Variants in ABCA13 observed in about 807,000 individuals in gnomAD.
The protein encoded by ABCA13 is ATP binding cassette subfamily A member 13.
Under a neutral mutation model 478.7 loss-of-function variants are expected in ABCA13, and 476 were observed. The observed-to-expected ratio is 0.99, with a 90% CI of 0.92 to 1.07. The LOEUF (loss-of-function observed/expected upper bound fraction) is 1.07, where lower values mean the gene tolerates loss of function less well. Among genes scored for constraint, ABCA13 ranks in the 50% least tolerant of loss-of-function variants. The pLI, the probability that ABCA13 is intolerant of heterozygous loss-of-function variation, is 0.00. For synonymous variants in ABCA13, 2,252 were observed against 2,158.9 expected, an observed-to-expected ratio of 1.04 and a Z score of -1.20; for missense variants, 6,060 against 5,910.6, an observed-to-expected ratio of 1.03 and a Z score of -0.83.
At chr7:48,520,412 T>C in intron 53 of ABCA13, 118 bp downstream of exon 53, 4 of 1,132,950 alleles carry the variant, frequency 3.5e-6, no homozygotes, top group Non-Finnish European at 4.7e-6. Flanking sequence ...TTATACATAG[T>C]TCTAATGCGT....
intron 54 of ABCA13, among the ~76,000 whole-genome samples, chr7:48,527,843 T>C (rs1832982194): frequency 1.3e-5 from 2 of 152,146 alleles, no homozygotes; most frequent in Non-Finnish European, 2.9e-5. Flanking sequence ...GAAAATACTT[T>C]AAAATACACA....
rs183822383 is a variant in ABCA13, at chr7:48,457,313, T to C, written c.12815+2027T>C. ...AGTGTATTTCCACATCATATTTTGC[T>C]TCTAACTGACTTCTTCACCCTCCTC... On this transcript the variant is annotated intron_variant, in intron 43 of 61. Transcript: ENST00000435803. Among the ~76,000 whole-genome samples the C allele has an allele frequency of 6.8e-3, 1,027 of 150,976 alleles. 11 individuals carry two copies. Among genetic ancestry groups the C allele is most frequent in the African/African-American group, 0.024 (961 of 40,830 alleles).
chr7:48,502,285 C>T (rs1339434071), intron 48 of ABCA13, among the ~76,000 whole-genome samples: 2 of 152,036 alleles, frequency 1.3e-5, no homozygotes, highest in South Asian at 2.1e-4. Context: ...TGACACAAAT[C>T]CAGGAAATGT....
chr7:48,565,557 T>C (rs576316142), intron 55 of ABCA13, among the ~76,000 whole-genome samples: 1 of 152,084 alleles, frequency 6.6e-6, no homozygotes, highest in South Asian at 2.1e-4. Context: ...GGGGATAAAC[T>C]TATTCTACCT....
chr7:48,400,973 G>A (rs750935041), intron 38 of ABCA13, among the ~76,000 whole-genome samples: 5 of 152,242 alleles, frequency 3.3e-5, no homozygotes, highest in African/African-American at 1.2e-4. Flanking sequence ...CAGTCCATGT[G>A]GGGGGTGAGA....
At chr7:48,626,168 G>A (rs4506157) in intron 59 of ABCA13, among the ~76,000 whole-genome samples, 37,682 of 152,010 alleles carry the variant, frequency 0.25, 5,166 homozygotes, top group Middle Eastern at 0.37. Flanking sequence ...GTAAGAACTG[G>A]GCTAGACACT....
At chr7:48,383,385 GT>G (rs1425280792) in intron 35 of ABCA13, among the ~76,000 whole-genome samples, 1 of 152,158 alleles carries the variant, frequency 6.6e-6, no homozygotes, top group East Asian at 1.9e-4. Context: ...ACGTATGTGT[GT>G]GCACACACAC....
At chr7:48,412,109 G>C (rs868177977) in intron 40 of ABCA13, among the ~76,000 whole-genome samples, 1 of 152,072 alleles carries the variant, frequency 6.6e-6, no homozygotes, top group Non-Finnish European at 1.5e-5. Context: ...TAGCTAAGAC[G>C]GGCATGTTGG....
chr7:48,585,886 A>T (rs972108721), intron 56 of ABCA13, among the ~76,000 whole-genome samples: 26 of 152,212 alleles, frequency 1.7e-4, no homozygotes, highest in Admixed American at 1.6e-3. Flanking sequence ...GAAACAAAAA[A>T]ATTGCTTACC....
At chr7:48,300,280 G>A (rs975582732) in intron 23 of ABCA13, among the ~76,000 whole-genome samples, 1 of 152,186 alleles carries the variant, frequency 6.6e-6, no homozygotes, top group Non-Finnish European at 1.5e-5. Context: ...CTAAAGCCCT[G>A]GCAAAATTGC....
At chr7:48,221,422 C>A in intron 5 of ABCA13, 113 bp downstream of exon 5, 1 of 555,320 alleles carries the variant, frequency 1.8e-6, no homozygotes. Flanking sequence ...ACTTGTATAA[C>A]AATTGTATAG....
At chr7:48,271,041 GC>G (rs1170363017) in intron 16 of ABCA13, among the ~76,000 whole-genome samples, 1 of 152,194 alleles carries the variant, frequency 6.6e-6, no homozygotes, top group African/African-American at 2.4e-5. Flanking sequence ...GGCTGTCCCA[GC>G]CCTCACTGAG....
chr7:48,302,159 T>C (rs1800238593), intron 23 of ABCA13, among the ~76,000 whole-genome samples: 1 of 152,180 alleles, frequency 6.6e-6, no homozygotes, highest in African/African-American at 2.4e-5. Flanking sequence ...CATCACATGA[T>C]GTTATTGCTT....
chr7:48,199,970 A>G, intron 3 of ABCA13, among the ~76,000 whole-genome samples: 1 of 152,238 alleles, frequency 6.6e-6, no homozygotes, highest in Non-Finnish European at 1.5e-5. Flanking sequence ...GTTAAAGACA[A>G]ATATAGAAAA....
chr7:48,299,535 G>A (rs533010949), intron 23 of ABCA13, among the ~76,000 whole-genome samples: 19 of 152,284 alleles, frequency 1.2e-4, no homozygotes, highest in African/African-American at 3.8e-4. Flanking sequence ...TACCTCGCAT[G>A]ATGCCTTATA....
chr7:48,485,831 T>G (rs1362729418), intron 47 of ABCA13, among the ~76,000 whole-genome samples: 1 of 152,216 alleles, frequency 6.6e-6, no homozygotes, highest in African/African-American at 2.4e-5. Context: ...ATCCAGGCCC[T>G]GGTTCTACAT....
intron 25 of ABCA13, among the ~76,000 whole-genome samples, chr7:48,313,521 C>A (rs1401473348): frequency 6.6e-6 from 1 of 152,164 alleles, no homozygotes; most frequent in Non-Finnish European, 1.5e-5. Flanking sequence ...TCAGTTATTG[C>A]ACAGATGAGA....
rs1813513957 is a variant in ABCA13, at chr7:48,376,560, A to G, written c.11323A>G (p.Asn3775Asp). ...TTTTTTGTGTGGATGGTACTTGAGC[A>G]ACTTGATTCCTGGTAAGAATTTTGC... The part of the protein sequence containing the change: ...LYFLCGWYLS[N>D]LIPGTFGLRK... The change falls in exon 35 of 62, where the codon AAC (asparagine) becomes GAC (aspartate). Residue 3775 changes from asparagine to aspartate, a missense_variant. Asn to Asp is a conservative substitution (Grantham distance 23). Transcript: ENST00000435803. 6.2e-7 allele frequency: 1 copy of G among 1,613,450 alleles called. No homozygotes were observed.
Position 48,203,256 on chromosome 7 carries a change from G to T in ABCA13, c.287+4896G>T, listed in dbSNP as rs1799102204. ...CGCGCACCGGAACTCCAGCTGGCCC[G>T]CAAGCGCCGCACGCAGCCCCGGTTC... On this transcript the variant is annotated intron_variant, in intron 3 of 61. Coordinates refer to ENST00000435803, the MANE Select transcript of ABCA13 (RefSeq NM_152701.5). Among the ~76,000 whole-genome samples, 3 of 152,130 alleles carry T rather than the reference G, an allele frequency of 2.0e-5. No homozygotes were observed. The South Asian group carries it at 6.2e-4, about 31-fold the overall frequency.
Sources: allele counts gnomAD v4.1 joint callset (sites outside exome capture counted in the v4.1 genomes callset), GRCh38; gene constraint gnomAD v4.1.1; transcripts MANE v1.5; gene names NCBI Gene and HGNC (gene_info 2026-07-23, HGNC 2026-07-21).